CFAP95: variants seen among roughly 807,000 people sequenced by gnomAD.
The protein encoded by CFAP95 is cilia and flagella associated protein 95.
chr9:69,852,254 A>G, the CFAP95 span, among the ~76,000 whole-genome samples: 1 of 151,938 alleles, frequency 6.6e-6, no homozygotes, highest in Non-Finnish European at 1.5e-5. Flanking sequence ...TTCCTTAGTT[A>G]TGACTGAAGA....
At chr9:69,864,370 C>T in the CFAP95 span, among the ~76,000 whole-genome samples, 1 of 151,662 alleles carries the variant, frequency 6.6e-6, no homozygotes, top group Non-Finnish European at 1.5e-5. Flanking sequence ...TCAGAAAGAA[C>T]ATGGTATAGA....
At chr9:69,851,484 G>A in the CFAP95 span, among the ~76,000 whole-genome samples, 3 of 152,136 alleles carry the variant, frequency 2.0e-5, no homozygotes, top group Admixed American at 1.3e-4. Flanking sequence ...AGTCTGCAGA[G>A]GGAAGTGAGT....
At chr9:69,893,170 C>T in the CFAP95 span, among the ~76,000 whole-genome samples, 13 of 152,160 alleles carry the variant, frequency 8.5e-5, no homozygotes, top group African/African-American at 3.1e-4. Flanking sequence ...TCCATGGGCT[C>T]GCACAGAGTT....
the CFAP95 span, among the ~76,000 whole-genome samples, chr9:69,872,179 C>T: frequency 4.6e-5 from 7 of 152,172 alleles, no homozygotes; most frequent in African/African-American, 1.4e-4. Context: ...GGAAAATCTG[C>T]AGTTACTTTT....
At chr9:69,851,109 G>A in the CFAP95 span, among the ~76,000 whole-genome samples, 11 of 152,076 alleles carry the variant, frequency 7.2e-5, no homozygotes, top group African/African-American at 2.7e-4. Context: ...ACAGAAACTA[G>A]ACTTTAATTT....
At chr9:69,845,997 A>T in the CFAP95 span, among the ~76,000 whole-genome samples, 1 of 152,292 alleles carries the variant, frequency 6.6e-6, no homozygotes, top group South Asian at 2.1e-4. Flanking sequence ...CCACAAACAC[A>T]GCTTCACCTT....
chr9:69,856,938 T>TC, the CFAP95 span, among the ~76,000 whole-genome samples: 6 of 149,690 alleles, frequency 4.0e-5, no homozygotes, highest in Admixed American at 1.3e-4. Flanking sequence ...TTTTTTTTTT[T>TC]CTGGCCCAAG....
chr9:69,834,357 C>T, the CFAP95 span, among the ~76,000 whole-genome samples: 6 of 152,186 alleles, frequency 3.9e-5, no homozygotes, highest in South Asian at 2.1e-4. Flanking sequence ...GGTGACAGAA[C>T]GTACTCACCC....
At chr9:69,895,818 CAG>C in the CFAP95 span, among the ~76,000 whole-genome samples, 1 of 152,020 alleles carries the variant, frequency 6.6e-6, no homozygotes, top group African/African-American at 2.4e-5. Flanking sequence ...TTTTTTGAGA[CAG>C]AGTCTTGCTC....
At chr9:69,872,933 G>T in the CFAP95 span, among the ~76,000 whole-genome samples, 1 of 152,164 alleles carries the variant, frequency 6.6e-6, no homozygotes, top group Non-Finnish European at 1.5e-5. Context: ...TTAAAAGCAG[G>T]GAGACTTACA....
At chr9:69,832,204 G>A in the CFAP95 span, among the ~76,000 whole-genome samples, 1 of 152,148 alleles carries the variant, frequency 6.6e-6, no homozygotes, top group Admixed American at 6.5e-5. Flanking sequence ...ACCACTGCAA[G>A]CAGTCTCTCA....
At chr9:69,848,010 C>A in the CFAP95 span, among the ~76,000 whole-genome samples, 2 of 152,192 alleles carry the variant, frequency 1.3e-5, no homozygotes, top group Non-Finnish European at 2.9e-5. Flanking sequence ...CTCCCACTCA[C>A]ATGAGGGATA....
the CFAP95 span, among the ~76,000 whole-genome samples, chr9:69,901,939 A>G: frequency 9.2e-5 from 14 of 152,304 alleles, no homozygotes; most frequent in Non-Finnish European, 1.8e-4. Context: ...CTGATGGCCA[A>G]TGATGACGAG....
At chr9:69,843,846 T>C in the CFAP95 span, among the ~76,000 whole-genome samples, 1 of 151,362 alleles carries the variant, frequency 6.6e-6, no homozygotes, top group Admixed American at 6.6e-5. Flanking sequence ...TTGCCATGTT[T>C]CCCAGGCTGG....
At chr9:69,850,521 T>C in the CFAP95 span, among the ~76,000 whole-genome samples, 1 of 152,346 alleles carries the variant, frequency 6.6e-6, no homozygotes, top group East Asian at 1.9e-4. Flanking sequence ...ATACAAACGA[T>C]ATAATTATAC....
At chr9:69,888,334 C>G in the CFAP95 span, among the ~76,000 whole-genome samples, 21 of 151,964 alleles carry the variant, frequency 1.4e-4, no homozygotes, top group African/African-American at 3.9e-4. Context: ...GACATAGAAA[C>G]AGCAAATGTG....
At chr9:69,832,921 A>T in the CFAP95 span, among the ~76,000 whole-genome samples, 1 of 152,062 alleles carries the variant, frequency 6.6e-6, no homozygotes, top group African/African-American at 2.4e-5. Context: ...CTAGCTTTAC[A>T]TATATATTTG....
At chr9:69,847,172 C>A in the CFAP95 span, among the ~76,000 whole-genome samples, 1 of 152,098 alleles carries the variant, frequency 6.6e-6, no homozygotes. Flanking sequence ...AAGGAAATAA[C>A]TTGCTGTGGG....
the CFAP95 span, among the ~76,000 whole-genome samples, chr9:69,875,119 T>A: frequency 6.6e-6 from 1 of 152,244 alleles, no homozygotes; most frequent in Non-Finnish European, 1.5e-5. Context: ...ATTTCCCATA[T>A]TTTTATTCTC....
Sources: gnomAD v4.1 joint callset for allele counts (sites outside exome capture counted in the v4.1 genomes callset) on GRCh38, gnomAD v4.1.1 for gene constraint, MANE v1.5 for transcripts, NCBI Gene and HGNC (gene_info 2026-07-23, HGNC 2026-07-21) for gene names.